The following DIXDC1 variants were observed in gnomAD, a reference collection of about 807,000 sequenced individuals.
DIXDC1 encodes the protein DIX domain containing 1.
DIXDC1 carries 64 observed loss-of-function variants against 103.1 expected under a neutral mutation model. The ratio of observed to expected loss-of-function variants is 0.62; its 90% CI spans 0.51 to 0.76. The LOEUF is 0.76. Among genes scored for constraint, DIXDC1 ranks in the 30% least tolerant of loss-of-function variants. The pLI is 0.00. For missense variants in DIXDC1, 759 were observed against 834.2 expected, an observed-to-expected ratio of 0.91 and a Z score of 1.11; for synonymous variants, 266 against 298.5, an observed-to-expected ratio of 0.89 and a Z score of 1.12.
chr11:111,933,139 T>C (rs1418852039), upstream of DIXDC1, among the ~76,000 whole-genome samples: 2 of 152,344 alleles, frequency 1.3e-5, no homozygotes, highest in East Asian at 3.9e-4. Flanking sequence ...TCTTTTGGTT[T>C]TTTTTTGAGA....
At chr11:112,006,976 G>A (rs1861257913) in intron 17 of DIXDC1, among the ~76,000 whole-genome samples, 1 of 152,188 alleles carries the variant, frequency 6.6e-6, no homozygotes, top group Non-Finnish European at 1.5e-5. Flanking sequence ...GTTGACAGAA[G>A]TCGGCTTCAG....
Position 111,989,078 on chromosome 11 carries a change from C to A in DIXDC1, c.1113+23C>A, listed in dbSNP as rs1266794121. On this transcript the variant is annotated intron_variant, in intron 10 of 19. Transcript: ENST00000440460. Reference sequence around the variant, plus strand: ...AAGGTAAAAAAGAAGACATTTAATTCTTTAAATAAAGTCTCTGCAATGTAA... The same window carrying A: ...AAGGTAAAAAAGAAGACATTTAATTATTTAAATAAAGTCTCTGCAATGTAA... 5.1e-6 allele frequency: 8 copies of A among 1,575,662 alleles called. 2 individuals are homozygous for A. Among genetic ancestry groups the A allele is most frequent in the South Asian group, 4.7e-5 (4 of 85,258 alleles).
Position 112,020,134 on chromosome 11 carries a change from A to C in DIXDC1, c.*1098A>C, listed in dbSNP as rs1417978200. 1 of 152,418 alleles carries C rather than the reference A, an allele frequency of 6.6e-6. No homozygotes were observed. The highest frequency in any genetic ancestry group is 1.5e-5 in the Non-Finnish European group (1 of 68,042). The allele number at this position is 152,418 out of a possible 1,614,324, so 9.4% of individuals were successfully genotyped here. On this transcript the variant is annotated 3_prime_UTR_variant, in exon 20 of 20. Transcript: ENST00000440460. ...GCAGGGATCATTCTGGGTAAAAAAA[A>C]CCTAGAATCATTTCTGATGTGCAAC...
chr11:111,945,370 C>A (rs1966557830), intron 1 of DIXDC1, among the ~76,000 whole-genome samples: 1 of 152,166 alleles, frequency 6.6e-6, no homozygotes, highest in Non-Finnish European at 1.5e-5. Context: ...TTTCACCAAT[C>A]AACTTTGGCA....
At chr11:111,937,005 GTA>G (rs1555168172), upstream of DIXDC1, among the ~76,000 whole-genome samples, 1 of 151,418 alleles carries the variant, frequency 6.6e-6, no homozygotes, top group African/African-American at 2.4e-5. Flanking sequence ...GTGTATGTGT[GTA>G]TGTGTGTATG....
chr11:111,965,083 A>G (rs961315597), intron 2 of DIXDC1, among the ~76,000 whole-genome samples: 5 of 152,162 alleles, frequency 3.3e-5, no homozygotes, highest in Non-Finnish European at 1.5e-5. Context: ...ACTGAGGCCT[A>G]CCAGAAGAAT....
rs587676028 is a variant in DIXDC1 at position 111,974,938 on chromosome 11, A to G, written c.611A>G (p.Gln204Arg). 310 of 1,613,630 alleles carry G rather than the reference A, an allele frequency of 1.9e-4. 1 individual carries two copies. The South Asian group carries it at 3.2e-3, about 17-fold the overall frequency. Reference sequence around the variant, plus strand: ...TGGAGTGTGCGGGCCCTAGTGCAGCAGTACGAAGGGCAACAAAGGTCCCCG... The same window carrying G: ...TGGAGTGTGCGGGCCCTAGTGCAGCGGTACGAAGGGCAACAAAGGTCCCCG... The part of the protein sequence containing the change: ...PYWSVRALVQ[Q>R]YEGQQRSPSE... The change falls in exon 5 of 20, where the codon CAG (glutamine) becomes CGG (arginine). Residue 204 changes from glutamine to arginine, a missense_variant. Coordinates refer to ENST00000440460, the MANE Select transcript of DIXDC1 (RefSeq NM_001037954.4).
intron 1 of DIXDC1, among the ~76,000 whole-genome samples, chr11:111,947,257 TAATTTTAAAA>T (rs1966627817): frequency 6.6e-6 from 1 of 152,154 alleles, no homozygotes; most frequent in African/African-American, 2.4e-5. Flanking sequence ...ACACAAGTTA[TAATTTTAAAA>T]AATAATGAGG....
At chr11:111,942,487 T>C (rs1555168963) in intron 1 of DIXDC1, among the ~76,000 whole-genome samples, 1 of 152,202 alleles carries the variant, frequency 6.6e-6, no homozygotes, top group Admixed American at 6.5e-5. Flanking sequence ...TAGCTAGATG[T>C]GGTAAGGCAA....
intron 7 of DIXDC1, among the ~76,000 whole-genome samples, chr11:111,983,374 G>T (rs1458424172): frequency 2.0e-5 from 3 of 152,230 alleles, no homozygotes; most frequent in African/African-American, 7.2e-5. Context: ...CTGTGGCAAA[G>T]CAATTTGCAT....
chr11:111,955,391 A>AT (rs1966890208), intron 1 of DIXDC1, among the ~76,000 whole-genome samples: 1 of 151,598 alleles, frequency 6.6e-6, no homozygotes, highest in South Asian at 2.1e-4. Context: ...GAGGAAGAGA[A>AT]TGAGGAATAG....
In DIXDC1 at chr11:112,001,017, C is replaced by T. The variant is rs1176688239; in HGVS notation, c.1756+4871C>T. 2.0e-5 allele frequency among the ~76,000 whole-genome samples: 3 copies of T among 152,088 alleles called. No individual in the cohort carries two copies. The East Asian group carries it at 5.8e-4, about 29-fold the overall frequency. On this transcript the variant is annotated intron_variant, in intron 17 of 19. Coordinates refer to ENST00000440460, the MANE Select transcript of DIXDC1 (RefSeq NM_001037954.4). ...CATCTATGTTCCTAGCAGCCATATT[C>T]ACAATATTCGAAAGGTAGAAACACC...
chr11:111,974,251 A>G lies in DIXDC1; in HGVS notation c.545A>G (p.Gln182Arg). ...GGACGGGATGTCTTTCGATATAGAC[A>G]GAGGTAAGGGTAGAAATCTGGGGGT... ...RSGRDVFRYR[Q>R]RNSSMDEEIE... The change falls in exon 4 of 20, where the codon CAG becomes CGG. Residue 182 changes from glutamine to arginine, a missense_variant. Coordinates refer to ENST00000440460, the MANE Select transcript of DIXDC1 (RefSeq NM_001037954.4). The G allele has an allele frequency of 6.2e-7, 1 of 1,612,244 alleles. No homozygotes were observed. The highest frequency in any genetic ancestry group is 2.2e-5 in the East Asian group (1 of 44,844).
chr11:111,936,707 C>T (rs1236012132), upstream of DIXDC1, among the ~76,000 whole-genome samples: 1 of 152,052 alleles, frequency 6.6e-6, no homozygotes, highest in Non-Finnish European at 1.5e-5. Context: ...CTTCTGCTTC[C>T]TCTTCTTTAG....
intron 17 of DIXDC1, among the ~76,000 whole-genome samples, chr11:111,996,954 C>T (rs782044039): frequency 3.9e-5 from 6 of 152,190 alleles, no homozygotes; most frequent in African/African-American, 4.8e-5. Context: ...TAACCTGCTC[C>T]GTGCCCACTC....
chr11:111,956,857 C>T (rs782092681), intron 1 of DIXDC1, among the ~76,000 whole-genome samples: 15 of 152,038 alleles, frequency 9.9e-5, no homozygotes, highest in Non-Finnish European at 1.6e-4. Context: ...CCATGATATA[C>T]TGATATAAAT....
chr11:111,981,959 A>G (rs910812965), intron 6 of DIXDC1, among the ~76,000 whole-genome samples: 4 of 152,200 alleles, frequency 2.6e-5, no homozygotes, highest in Non-Finnish European at 4.4e-5. Flanking sequence ...GCTTCAGAGT[A>G]ACCAGTAAGA....
intron 10 of DIXDC1, among the ~76,000 whole-genome samples, chr11:111,991,172 A>G (rs1860701928): frequency 6.6e-6 from 1 of 152,204 alleles, no homozygotes; most frequent in Non-Finnish European, 1.5e-5. Flanking sequence ...TAGGCTTAGT[A>G]CTTTTGAAAC....
At chr11:111,938,159 C>T (rs1474489030) in intron 1 of DIXDC1, among the ~76,000 whole-genome samples, 1 of 152,166 alleles carries the variant, frequency 6.6e-6, no homozygotes, top group Non-Finnish European at 1.5e-5. Flanking sequence ...GCGCGTGCAC[C>T]GGTCCATGTG....
Sources: gnomAD v4.1 joint callset for allele counts (sites outside exome capture counted in the v4.1 genomes callset) on GRCh38, gnomAD v4.1.1 for gene constraint, MANE v1.5 for transcripts, NCBI Gene and HGNC (gene_info 2026-07-23, HGNC 2026-07-21) for gene names.